The following DYNC2H1 variants were observed in gnomAD, a reference collection of about 807,000 sequenced individuals.
The protein encoded by DYNC2H1 is dynein cytoplasmic 2 heavy chain 1.
In DYNC2H1, 410 loss-of-function variants were observed where a neutral mutation model predicts 570.0. The ratio of observed to expected loss-of-function variants is 0.72; its 90% CI spans 0.66 to 0.78. DYNC2H1 has a LOEUF of 0.78. Ranked by LOEUF, DYNC2H1 falls within the 30% of genes least tolerant of loss-of-function variation. The probability of loss-of-function intolerance (pLI) is 0.00; values close to 1 mark genes in which losing one functional copy is unlikely to be tolerated. For synonymous variants in DYNC2H1, 1,688 were observed against 1,677.6 expected (o/e 1.01, Z -0.15); for missense variants, 4,865 against 5,046.4 (o/e 0.96, Z 1.09).
intron 83 of DYNC2H1, among the ~76,000 whole-genome samples, chr11:103,384,623 C>T (rs1277024667): frequency 6.6e-6 from 1 of 152,026 alleles, no homozygotes; most frequent in African/African-American, 2.4e-5. Flanking sequence ...TTTGTACATA[C>T]ATAGCTTATC....
chr11:103,153,594 T>C (rs971134733), intron 22 of DYNC2H1, 86 bp downstream of exon 22: 18 of 1,180,860 alleles, frequency 1.5e-5, no homozygotes, highest in Non-Finnish European at 2.0e-5. Flanking sequence ...GTCTGTTATC[T>C]TGATAACTTT....
chr11:103,308,156 ACT>A (rs1304732899), intron 78 of DYNC2H1, among the ~76,000 whole-genome samples: 2 of 152,004 alleles, frequency 1.3e-5, no homozygotes, highest in Non-Finnish European at 2.9e-5. Flanking sequence ...CAAAATTGAA[ACT>A]CTATGACCAT....
At chr11:103,348,167 G>A (rs1014426855) in intron 82 of DYNC2H1, among the ~76,000 whole-genome samples, 1 of 152,124 alleles carries the variant, frequency 6.6e-6, no homozygotes, top group African/African-American at 2.4e-5. Context: ...GCACTATCAG[G>A]TTTTCCTTTC....
chr11:103,316,565 A>AT lies in DYNC2H1; in HGVS notation c.11674dup (p.Ser3892PhefsTer13). The stretch of plus-strand genomic sequence containing the variant: ...GACAGGGTTGGACAAAGTTTTATGA[A>AT]TTTTCTTTATCAGATCTTCGGGCTG... On this transcript the variant is annotated frameshift_variant, in exon 80 of 89. Transcript: ENST00000375735. LOFTEE classifies it high-confidence loss of function. 1 of 1,558,798 alleles carries AT rather than the reference A, an allele frequency of 6.4e-7. No homozygotes were observed. The highest frequency in any genetic ancestry group is 8.7e-7 in the Non-Finnish European group (1 of 1,152,878).
chr11:103,215,737 T>A lies in DYNC2H1; in HGVS notation c.8711T>A (p.Leu2904Gln). Residue 2904 changes from leucine (L) to glutamine (Q), a missense_variant, in exon 55 of 89, where the codon CTA (leucine) becomes CAA (glutamine). This residue lies in a region of DYNC2H1 where 2,401 missense variants were observed against 2,454.6 expected (regional missense o/e 0.98). Transcript: ENST00000375735. The stretch of plus-strand genomic sequence containing the variant: ...TTGATGTAGGCTGGTGTATCTAAAC[T>A]AAATGAAGCTAAAGCTCTTGTGGAT... ...QSHLQAGVSK[L>Q]NEAKALVDEL... 6.2e-7 allele frequency: 1 copy of A among 1,609,008 alleles called. No homozygotes were observed. The highest frequency in any genetic ancestry group is 8.5e-7 in the Non-Finnish European group (1 of 1,177,476).
At chr11:103,115,398 T>C in intron 4 of DYNC2H1, 103 bp downstream of exon 4, 1 of 674,566 alleles carries the variant, frequency 1.5e-6, no homozygotes, top group East Asian at 3.0e-5. Context: ...TTGATGATTG[T>C]GAACAAAATA....
chr11:103,149,093 C>T (rs1299893997), intron 20 of DYNC2H1, among the ~76,000 whole-genome samples: 1 of 152,030 alleles, frequency 6.6e-6, no homozygotes, highest in Non-Finnish European at 1.5e-5. Flanking sequence ...AATAAATAGA[C>T]TTTCGATGCA....
At chr11:103,144,820 T>A (rs1347259218) in intron 18 of DYNC2H1, among the ~76,000 whole-genome samples, 6 of 152,014 alleles carry the variant, frequency 3.9e-5, no homozygotes, top group African/African-American at 1.4e-4. Flanking sequence ...GATAAAGAGA[T>A]CCTGGAGGCA....
In DYNC2H1 at chr11:103,252,380, A is replaced by C. The variant is rs755282314; in HGVS notation, c.10043-905A>C. Among the ~76,000 whole-genome samples, 5 of 152,150 alleles carry C rather than the reference A, an allele frequency of 3.3e-5. No homozygotes were observed. In the South Asian group the frequency reaches 1.0e-3, roughly 32 times the overall value. ...CTTTGGGCATATACCCAGAAAAAAG[A>C]TTGCTGGGTCATATGGTAGTTCTGT... On this transcript the variant is annotated intron_variant, in intron 65 of 88. Transcript: ENST00000375735. The surrounding 1 kb of genome is among the most constrained non-coding windows in gnomAD (Gnocchi z 4.6).
chr11:103,253,566 A>G (rs1351628434), intron 66 of DYNC2H1, 118 bp downstream of exon 66: 25 of 1,003,744 alleles, frequency 2.5e-5, no homozygotes, highest in Non-Finnish European at 3.4e-5. Context: ...TATGATTTTG[A>G]AAATAATACT....
At position 103,209,032 on chromosome 11, in the gene DYNC2H1, G is replaced by A. The variant is rs116020295; in HGVS notation, c.8455-844G>A. 5.7e-3 allele frequency among the ~76,000 whole-genome samples: 871 copies of A among 152,212 alleles called. 4 individuals carry two copies. Among genetic ancestry groups the A allele is most frequent in the African/African-American group, 0.02 (826 of 41,530 alleles). ...GGTTTAAGTGTTTTGTCAGAAATCA[G>A]TGAAGGCATACTCTCTGTCACAAGA... On this transcript the variant is annotated intron_variant, in intron 52 of 88. Coordinates refer to ENST00000375735, the MANE Select transcript of DYNC2H1 (RefSeq NM_001377.3). The surrounding 1 kb of genome is among the most constrained non-coding windows in gnomAD (Gnocchi z 4.2).
At chr11:103,337,600 C>T (rs1400454673) in intron 82 of DYNC2H1, among the ~76,000 whole-genome samples, 9 of 152,080 alleles carry the variant, frequency 5.9e-5, no homozygotes, top group African/African-American at 2.2e-4. Flanking sequence ...TGATTTCTCA[C>T]TGTGGTTTTG....
At chr11:103,347,073 C>A (rs898127600) in intron 82 of DYNC2H1, among the ~76,000 whole-genome samples, 1 of 152,038 alleles carries the variant, frequency 6.6e-6, no homozygotes, top group Non-Finnish European at 1.5e-5. Context: ...AAAGAGTAAA[C>A]CTGAACCTAA....
intron 59 of DYNC2H1, among the ~76,000 whole-genome samples, chr11:103,224,057 G>C (rs535042398): frequency 9.2e-5 from 14 of 151,990 alleles, no homozygotes; most frequent in Admixed American, 6.6e-5. Context: ...GAAATTTAAG[G>C]CTTTTGTATT....
intron 84 of DYNC2H1, among the ~76,000 whole-genome samples, chr11:103,424,738 C>G (rs928732440): frequency 6.7e-6 from 1 of 149,366 alleles, no homozygotes; most frequent in Non-Finnish European, 1.5e-5. Flanking sequence ...CAACTTTGAT[C>G]TATATAGCAT....
intron 20 of DYNC2H1, among the ~76,000 whole-genome samples, chr11:103,150,533 G>A (rs910075764): frequency 6.6e-6 from 1 of 152,138 alleles, no homozygotes; most frequent in Non-Finnish European, 1.5e-5. Flanking sequence ...GACTAGAGGA[G>A]CAACTGGAGT....
intron 83 of DYNC2H1, among the ~76,000 whole-genome samples, chr11:103,381,428 CTTTTA>C (rs1373264087): frequency 6.7e-6 from 1 of 150,194 alleles, no homozygotes; most frequent in African/African-American, 2.5e-5. Context: ...TATTCAATAT[CTTTTA>C]TTTATTTTAT....
Position 103,261,392 on chromosome 11 carries a change from T to G in DYNC2H1, c.10695+1415T>G, listed in dbSNP as rs1471779076. On this transcript the variant is annotated intron_variant, in intron 70 of 88. Transcript: ENST00000375735. The surrounding 1 kb of genome is among the most constrained non-coding windows in gnomAD (Gnocchi z 4.8). Reference sequence around the variant, plus strand: ...CAAGTGGGTCCCTGACCCCTGTGCCTCCTGACTGGGAGACACCTCCCAGAA... The same window carrying G: ...CAAGTGGGTCCCTGACCCCTGTGCCGCCTGACTGGGAGACACCTCCCAGAA... Among the ~76,000 whole-genome samples, 5 of 152,228 alleles carry G rather than the reference T, an allele frequency of 3.3e-5. No homozygotes were observed. The highest frequency in any genetic ancestry group is 1.2e-4 in the African/African-American group (5 of 41,468).
chr11:103,321,357 TTTG>T, intron 81 of DYNC2H1, 120 bp downstream of exon 81: 1 of 1,098,316 alleles, frequency 9.1e-7, no homozygotes, highest in East Asian at 2.6e-5. Context: ...GTTTGGATTA[TTTG>T]TTATGACAAT....
Sources: allele counts gnomAD v4.1 joint callset (sites outside exome capture counted in the v4.1 genomes callset), GRCh38; gene constraint gnomAD v4.1.1; regional missense constraint gnomAD v4.1.1; non-coding constraint Gnocchi (gnomAD v3.1); transcripts MANE v1.5; gene names NCBI Gene and HGNC (gene_info 2026-07-23, HGNC 2026-07-21).